The following PRTG variants were observed in gnomAD, a reference collection of about 807,000 sequenced individuals.
PRTG encodes the protein immunoglobulin superfamily, DCC subclass, member 5.
A neutral mutation model predicts 122.5 loss-of-function variants in PRTG; 67 were observed. The observed-to-expected ratio is 0.55, with a 90% confidence interval of 0.45 to 0.67. PRTG has a LOEUF of 0.67. Among genes scored for constraint, PRTG ranks in the 30% least tolerant of loss-of-function variants. The pLI is 0.00. For missense variants in PRTG, 1,435 were observed against 1,415.4 expected, an observed-to-expected ratio of 1.01 and a Z score of -0.22; for synonymous variants, 554 against 501.1, an observed-to-expected ratio of 1.11 and a Z score of -1.41.
chr15:55,715,639 G>A (rs1482617895), intron 2 of PRTG, among the ~76,000 whole-genome samples: 3 of 152,282 alleles, frequency 2.0e-5, no homozygotes, highest in East Asian at 3.9e-4. Flanking sequence ...CACAACATCC[G>A]AGGTCCCCTG....
intron 2 of PRTG, among the ~76,000 whole-genome samples, chr15:55,707,575 T>A (rs2030182088): frequency 6.6e-6 from 1 of 152,238 alleles, no homozygotes; most frequent in African/African-American, 2.4e-5. Flanking sequence ...AGAAGAGAAT[T>A]CTGGACAACA....
intron 2 of PRTG, among the ~76,000 whole-genome samples, chr15:55,734,858 A>C (rs1595686381): frequency 6.6e-6 from 1 of 152,314 alleles, no homozygotes; most frequent in East Asian, 1.9e-4. Flanking sequence ...TCCTTACAGC[A>C]GTTCACTTGG....
rs775941084 is a variant in PRTG at position 55,740,640 on chromosome 15, C to T, written c.139G>A (p.Asp47Asn). The T allele has an allele frequency of 3.4e-5, 55 of 1,613,866 alleles. No homozygotes were observed. In the South Asian group the frequency reaches 5.9e-4, roughly 17 times the overall value. ...GGGTCCTTTCTTGTGACAGTTACAT[C>T]CTGTGGTTCTTTTACAAAAGACAGT... Reference protein sequence around the residue: ...SELSFVKEPQDVTVTRKDPVV... With the variant: ...SELSFVKEPQNVTVTRKDPVV... The change falls in exon 2 of 20, where the codon GAT (aspartate) becomes AAT (asparagine). Residue 47 changes from aspartate (D) to asparagine (N), a missense_variant. Transcript: ENST00000389286.
chr15:55,638,327 T>A (rs1353592841), intron 14 of PRTG, among the ~76,000 whole-genome samples: 1 of 152,138 alleles, frequency 6.6e-6, no homozygotes, highest in Non-Finnish European at 1.5e-5. Flanking sequence ...GACACTAAAT[T>A]TAAGCCTACG....
At chr15:55,627,770 C>T (rs2059203817) in intron 16 of PRTG, among the ~76,000 whole-genome samples, 1 of 152,080 alleles carries the variant, frequency 6.6e-6, no homozygotes, top group African/African-American at 2.4e-5. Context: ...TTATGTCATG[C>T]CTTAAAAGCA....
In PRTG at chr15:55,616,909, C is replaced by T. The variant is rs566640325; in HGVS notation, c.*3103G>A. The T allele has an allele frequency of 3.9e-5, 6 of 152,116 alleles. No homozygotes were observed. Among genetic ancestry groups the T allele is most frequent in the Non-Finnish European group, 5.9e-5 (4 of 67,996 alleles). 9.4% of individuals were successfully genotyped at this position (152,116 alleles called of 1,614,324 possible). ...TTACTTACTTACAGGCTAACCTATA[C>T]ATCTTAATGGTCTTTGGTATGAAAA... On this transcript the variant is annotated 3_prime_UTR_variant, in exon 20 of 20. Transcript: ENST00000389286.
Position 55,673,590 on chromosome 15 carries a change from G to T in PRTG, c.1633C>A (p.Arg545=). The change falls in exon 10 of 20, where the codon CGG becomes AGG. Residue 545 remains arginine (R), a synonymous_variant. Coordinates refer to ENST00000389286, the MANE Select transcript of PRTG (RefSeq NM_173814.6). ...ISWLPIPAKY[R]RGQVVLYRLS... ...CGATACAGCACCACTTGGCCCCGCC[G>T]ATATTTGGCTGGGATTGGCAGCCAG... 6.2e-7 allele frequency: 1 copy of T among 1,614,176 alleles called. No individual in the cohort carries two copies.
intron 2 of PRTG, among the ~76,000 whole-genome samples, chr15:55,684,258 T>C (rs1442493421): frequency 6.6e-6 from 1 of 152,228 alleles, no homozygotes; most frequent in African/African-American, 2.4e-5. Flanking sequence ...AAACTTCAAA[T>C]ACTATTGTAT....
At chr15:55,675,265 T>A (rs569481711) in intron 9 of PRTG, among the ~76,000 whole-genome samples, 1 of 152,220 alleles carries the variant, frequency 6.6e-6, no homozygotes, top group African/African-American at 2.4e-5. Context: ...GCAACATATT[T>A]ACAATTTAAA....
intron 2 of PRTG, among the ~76,000 whole-genome samples, chr15:55,736,936 T>G (rs1241470666): frequency 2.0e-5 from 3 of 152,220 alleles, no homozygotes; most frequent in Non-Finnish European, 2.9e-5. Flanking sequence ...CCTCCTTTAC[T>G]TCTCTCAAAT....
chr15:55,729,787 C>T (rs1046047714), intron 2 of PRTG, among the ~76,000 whole-genome samples: 3 of 152,118 alleles, frequency 2.0e-5, no homozygotes, highest in Admixed American at 6.5e-5. Flanking sequence ...AAGAGTCTCA[C>T]TCCATTGGTG....
intron 2 of PRTG, among the ~76,000 whole-genome samples, chr15:55,691,617 G>C (rs1033426265): frequency 3.3e-5 from 5 of 150,816 alleles, no homozygotes; most frequent in African/African-American, 1.2e-4. Flanking sequence ...GGAGGCGGAG[G>C]TTGCAGTGAG....
chr15:55,685,689 A>T (rs1181224918), intron 2 of PRTG, among the ~76,000 whole-genome samples: 5 of 152,202 alleles, frequency 3.3e-5, no homozygotes, highest in African/African-American at 9.6e-5. Flanking sequence ...AAATGTTTTC[A>T]TTCTAAAATG....
rs1476198379 is a variant in PRTG at position 55,672,639 on chromosome 15, A to G, written c.1853-6T>C. 6.2e-7 allele frequency: 1 copy of G among 1,605,200 alleles called. No homozygotes were observed. Among genetic ancestry groups the G allele is most frequent in the Non-Finnish European group, 8.5e-7 (1 of 1,175,524 alleles). On this transcript the variant is annotated splice_polypyrimidine_tract_variant and splice_region_variant and intron_variant, in intron 10 of 19. Transcript: ENST00000389286. Reference sequence around the variant, plus strand: ...CAACTCTGGAGACTTAGGGGCTAGCAAAATTCATCAGAAAATGTATGTATA... The same window carrying G: ...CAACTCTGGAGACTTAGGGGCTAGCGAAATTCATCAGAAAATGTATGTATA...
intron 2 of PRTG, among the ~76,000 whole-genome samples, chr15:55,710,790 C>T (rs1443935948): frequency 6.6e-6 from 1 of 152,080 alleles, no homozygotes; most frequent in African/African-American, 2.4e-5. Flanking sequence ...TACACAAACT[C>T]CCCAAATTTT....
At chr15:55,646,642 G>A (rs910683448) in intron 11 of PRTG, among the ~76,000 whole-genome samples, 1 of 152,076 alleles carries the variant, frequency 6.6e-6, no homozygotes, top group Non-Finnish European at 1.5e-5. Context: ...AATTCTTAAT[G>A]GTTCTGGGGT....
intron 11 of PRTG, among the ~76,000 whole-genome samples, chr15:55,662,226 T>C (rs1239131063): frequency 2.0e-5 from 3 of 152,216 alleles, no homozygotes; most frequent in Non-Finnish European, 4.4e-5. Flanking sequence ...TAGGGTGGCA[T>C]TAATACAACT....
At chr15:55,621,736 GTTTATT>G (rs973174097) in intron 18 of PRTG, among the ~76,000 whole-genome samples, 1 of 151,888 alleles carries the variant, frequency 6.6e-6, no homozygotes, top group African/African-American at 2.4e-5. Context: ...AATATAATAG[GTTTATT>G]TTTAAGCTTA....
At chr15:55,646,474 C>T (rs549398112) in intron 11 of PRTG, among the ~76,000 whole-genome samples, 4 of 152,060 alleles carry the variant, frequency 2.6e-5, no homozygotes, top group East Asian at 1.9e-4. Context: ...AGGCGCCCGC[C>T]ACCACGCCCG....
Sources: allele counts gnomAD v4.1 joint callset (sites outside exome capture counted in the v4.1 genomes callset), GRCh38; gene constraint gnomAD v4.1.1; transcripts MANE v1.5; gene names NCBI Gene and HGNC (gene_info 2026-07-23, HGNC 2026-07-21).